KIF1A: variants seen among roughly 807,000 people sequenced by gnomAD.
KIF1A encodes the protein kinesin family member 1A.
In KIF1A, 46 loss-of-function variants were observed where a neutral mutation model predicts 227.3. The ratio of observed to expected loss-of-function variants is 0.20; its 90% CI spans 0.16 to 0.26. KIF1A has a LOEUF of 0.26. Among genes scored for constraint, KIF1A ranks in the 10% least tolerant of loss-of-function variants. KIF1A has a pLI of 1.00. For synonymous variants in KIF1A, 1,022 were observed against 1,012.8 expected, an observed-to-expected ratio of 1.01 and a Z score of -0.17; for missense variants, 1,683 against 2,485.9, an observed-to-expected ratio of 0.68 and a Z score of 6.87.
rs1248698793 is a variant in KIF1A, at chr2:240,758,330, T to A, written c.2582+30A>T. 2 of 1,597,786 alleles carry A rather than the reference T, an allele frequency of 1.3e-6. No homozygotes were observed. Among genetic ancestry groups the A allele is most frequent in the Non-Finnish European group, 1.7e-6 (2 of 1,172,138 alleles). On this transcript the variant is annotated intron_variant, in intron 26 of 48. Coordinates refer to ENST00000498729, the MANE Select transcript of KIF1A (RefSeq NM_001244008.2). This position sits in a 1 kb window ranked among gnomAD's most constrained non-coding sequence, Gnocchi z 5.2. ...TGCCATCTCTCTCTCTCAATCTCTC[T>A]CTCTGCCAAGGAAGGGAGGAGGCGC...
intron 1 of KIF1A, among the ~76,000 whole-genome samples, chr2:240,812,350 A>C (rs1379869920): frequency 1.3e-5 from 2 of 152,198 alleles, no homozygotes; most frequent in Non-Finnish European, 2.9e-5. Context: ...TGAGGGCCAG[A>C]CACAGGCCTG....
rs1221771881 is a variant in KIF1A, at chr2:240,789,378, C to T, written c.107-66G>A. 4 of 1,346,832 alleles carry T rather than the reference C, an allele frequency of 3.0e-6. No individual in the cohort carries two copies. The highest frequency in any genetic ancestry group is 2.4e-5 in the South Asian group (2 of 85,106). 83.4% of individuals were successfully genotyped at this position (1,346,832 alleles called of 1,614,324 possible). A position where few individuals can be genotyped will look rare whatever the true frequency, so the allele number is the denominator to read the frequency against. ...GGCCCCTGACTAGCTGGCATCTACA[C>T]TCCAAGGTGGGGAGATGGTCTTAAG... is the stretch of plus-strand genomic sequence containing the variant. On this transcript the variant is annotated intron_variant, in intron 2 of 48. Coordinates refer to ENST00000498729, the MANE Select transcript of KIF1A (RefSeq NM_001244008.2). The surrounding 1 kb of genome is among the most constrained non-coding windows in gnomAD (Gnocchi z 4.8).
chr2:240,722,103 GCCAGAGGCTGTGCTGCCT>G (rs1429107645), intron 43 of KIF1A, among the ~76,000 whole-genome samples: 1 of 152,228 alleles, frequency 6.6e-6, no homozygotes, highest in Non-Finnish European at 1.5e-5. Flanking sequence ...TGGTGTGAGG[GCCAGAGGCTGTGCTGCCT>G]CCAGTGCAGG....
At chr2:240,818,244 C>A (rs139138939) in intron 1 of KIF1A, among the ~76,000 whole-genome samples, 5 of 152,162 alleles carry the variant, frequency 3.3e-5, no homozygotes, top group African/African-American at 1.2e-4. Context: ...CATCTGCAGC[C>A]GGAGTGAAGC....
At chr2:240,734,335 A>C (rs1451279439) in intron 38 of KIF1A, among the ~76,000 whole-genome samples, 1 of 152,036 alleles carries the variant, frequency 6.6e-6, no homozygotes, top group Non-Finnish European at 1.5e-5. Flanking sequence ...GCAGCGGGCC[A>C]GCCAGCAGCG....
rs776169659 is a variant in KIF1A at position 240,719,032 on chromosome 2, T to C, written c.5188A>G (p.Ser1730Gly). The change falls in exon 47 of 49, where the codon AGT becomes GGT. Residue 1730 changes from serine (S) to glycine (G), a missense_variant. Ser to Gly is a moderately conservative substitution (Grantham distance 56). Around this residue, in one of 12 missense-constraint regions of KIF1A, gnomAD observed 384 missense variants for 410.1 expected, o/e 0.94. Coordinates refer to ENST00000498729, the MANE Select transcript of KIF1A (RefSeq NM_001244008.2). Reference sequence around the variant, plus strand: ...TTGAGCATAGCCTGCTGGTCCTCACTGTACTCCACCTGGGCAGTGGCCAGG... The same window carrying C: ...TTGAGCATAGCCTGCTGGTCCTCACCGTACTCCACCTGGGCAGTGGCCAGG... ...LNLATAQVEY[S>G]EDQQAMLKTP... is the part of the protein sequence containing the mutation. 22 of 1,611,216 alleles carry C rather than the reference T, an allele frequency of 1.4e-5. No individual in the cohort carries two copies. Among genetic ancestry groups the C allele is most frequent in the Non-Finnish European group, 1.9e-5 (22 of 1,178,740 alleles).
intron 1 of KIF1A, among the ~76,000 whole-genome samples, chr2:240,804,590 C>T (rs1243371037): frequency 6.6e-6 from 1 of 152,052 alleles, no homozygotes; most frequent in Admixed American, 6.6e-5. Flanking sequence ...AACCAAGTCA[C>T]CACAAAATTG....
At chr2:240,777,807 T>C (rs1418639272) in intron 10 of KIF1A, among the ~76,000 whole-genome samples, 2 of 152,224 alleles carry the variant, frequency 1.3e-5, no homozygotes, top group African/African-American at 4.8e-5. Flanking sequence ...CTCCCTGCTC[T>C]GGGCCTGGCT....
chr2:240,783,778 C>T lies in KIF1A; in HGVS notation c.759G>A (p.Glu253=), dbSNP rs762126771. Residue 253 remains glutamate, a synonymous_variant, in exon 8 of 49, where the codon GAG becomes GAA. Transcript: ENST00000498729. The part of the protein sequence containing the change: ...KISLVDLAGS[E]RADSTGAKGT... ...CCTTGGCTCCCGTGGAGTCAGCCCGCTCGCTCCCAGCCAGGTCCACCAGGC... is the reference window on the plus strand; with the variant it reads ...CCTTGGCTCCCGTGGAGTCAGCCCGTTCGCTCCCAGCCAGGTCCACCAGGC... 18 of 1,588,340 alleles carry T rather than the reference C, an allele frequency of 1.1e-5. No homozygotes were observed. In the South Asian group the frequency reaches 2.0e-4, roughly 17 times the overall value.
intron 20 of KIF1A, among the ~76,000 whole-genome samples, chr2:240,763,884 G>A (rs1050070871): frequency 2.6e-5 from 4 of 152,158 alleles, no homozygotes; most frequent in Admixed American, 6.5e-5. Flanking sequence ...AAGCAGGGAC[G>A]GCCACTAGCA....
chr2:240,782,269 G>A (rs1450460309), intron 10 of KIF1A: 2 of 910,996 alleles, frequency 2.2e-6, no homozygotes, highest in African/African-American at 1.8e-5. Context: ...CTCCATGTCC[G>A]AGGGGCTCCT....
At chr2:240,821,036 T>G (rs935990633), upstream of KIF1A, among the ~76,000 whole-genome samples, 1 of 152,196 alleles carries the variant, frequency 6.6e-6, no homozygotes, top group Admixed American at 6.5e-5. Flanking sequence ...AGGGGCTGAC[T>G]GGTATCTCTG....
intron 23 of KIF1A, 31 bp downstream of exon 23, chr2:240,762,688 C>T (rs769016549): frequency 2.2e-5 from 34 of 1,546,468 alleles, no homozygotes; most frequent in East Asian, 4.7e-5. Context: ...ACCCTCCTGA[C>T]GCAGCAGGTG....
At position 240,789,181 on chromosome 2, in the gene KIF1A, C is replaced by A. The variant is rs2055335112; in HGVS notation, c.183+55G>T. On this transcript the variant is annotated intron_variant, in intron 3 of 48. Coordinates refer to ENST00000498729, the MANE Select transcript of KIF1A (RefSeq NM_001244008.2). This position sits in a 1 kb window ranked among gnomAD's most constrained non-coding sequence, Gnocchi z 4.8. ...AGAGAAGTTGAGGGACCCCGAGGGC[C>A]ACATGGCCTATGCACTGCTGCCCCC... 2 of 1,417,230 alleles carry A rather than the reference C, an allele frequency of 1.4e-6. No individual in the cohort carries two copies. Among genetic ancestry groups the A allele is most frequent in the Non-Finnish European group, 2.0e-6 (2 of 1,001,910 alleles). 87.8% of individuals were successfully genotyped at this position (1,417,230 alleles called of 1,614,324 possible).
In KIF1A at chr2:240,752,703, C is replaced by G. The variant is rs374716002; in HGVS notation, c.2859-2156G>C. Among the ~76,000 whole-genome samples the G allele has an allele frequency of 6.6e-6, 1 of 152,026 alleles. No homozygotes were observed. The highest frequency in any genetic ancestry group is 1.9e-4 in the East Asian group (1 of 5,166). ...GCCCCTGCCCTCCAGCCCCCACCCA[C>G]CCCACATTTTCCCAGAGCTAGTGCC... On this transcript the variant is annotated intron_variant, in intron 27 of 48. Transcript: ENST00000498729. The surrounding 1 kb of genome is among the most constrained non-coding windows in gnomAD (Gnocchi z 6.4).
At chr2:240,820,870 C>T (rs2106404025), upstream of KIF1A, among the ~76,000 whole-genome samples, 1 of 152,240 alleles carries the variant, frequency 6.6e-6, no homozygotes, top group South Asian at 2.1e-4. The surrounding 1 kb of genome is among the most constrained non-coding windows in gnomAD (Gnocchi z 6.2). Flanking sequence ...GTGGGGACCC[C>T]CCGCCCTCCT....
At chr2:240,721,079 G>A (rs754800562) in intron 44 of KIF1A, 41 bp from the exon 45 acceptor site, 2 of 1,607,354 alleles carry the variant, frequency 1.2e-6, no homozygotes, top group South Asian at 1.1e-5. Flanking sequence ...CAGGGAAGGG[G>A]GGTCTCCGGC....
At chr2:240,812,823 AGGGATCAGCCTTCACCTCG>A (rs2057991292) in intron 1 of KIF1A, among the ~76,000 whole-genome samples, 1 of 120,568 alleles carries the variant, frequency 8.3e-6, no homozygotes, top group African/African-American at 3.2e-5. Flanking sequence ...CCTTCACCTC[AGGGATCAGCCTTCACCTCG>A]GGGATCTGCC....
In KIF1A at chr2:240,797,743, C is replaced by T. The variant is rs1255133407; in HGVS notation, c.10G>A (p.Ala4Thr). 6.2e-7 allele frequency: 1 copy of T among 1,609,270 alleles called. No homozygotes were observed. Among genetic ancestry groups the T allele is most frequent in the Non-Finnish European group, 8.5e-7 (1 of 1,178,464 alleles). The part of the protein sequence containing the change: MAG[A>T]SVKVAVRVRP... ...ACCCGCACCGCCACCTTCACCGAAG[C>T]CCCGGCCATCTCTGTGGCCTTCGTG... Residue 4 changes from alanine (A) to threonine (T), a missense_variant, in exon 2 of 49, where the codon GCT (alanine) becomes ACT (threonine). Ala to Thr is a moderately conservative substitution (Grantham distance 58). This residue lies in a region of KIF1A where 71 missense variants were observed against 129.1 expected (regional missense o/e 0.55). Transcript: ENST00000498729.
Sources: gnomAD v4.1 joint callset for allele counts (sites outside exome capture counted in the v4.1 genomes callset) on GRCh38, gnomAD v4.1.1 for gene constraint, gnomAD v4.1.1 regional missense constraint, Gnocchi (gnomAD v3.1) non-coding constraint, MANE v1.5 for transcripts, NCBI Gene and HGNC (gene_info 2026-07-23, HGNC 2026-07-21) for gene names.